Variants in WLS observed in about 807,000 individuals in gnomAD.
WLS encodes the protein Wnt ligand secretion mediator.
WLS carries 23 observed loss-of-function variants against 62.8 expected under a neutral mutation model. That is an observed-to-expected ratio of 0.37 (90% CI 0.26 to 0.52). The LOEUF (loss-of-function observed/expected upper bound fraction) is 0.52. Among genes scored for constraint, WLS ranks in the 20% least tolerant of loss-of-function variants. WLS has a pLI of 0.92. For synonymous variants in WLS, 246 were observed against 244.1 expected (o/e 1.01, Z -0.07); for missense variants, 615 against 697.3 (o/e 0.88, Z 1.33).
chr1:68,124,745 G>A (rs1434879866), downstream of WLS, among the ~76,000 whole-genome samples: 4 of 152,102 alleles, frequency 2.6e-5, no homozygotes, highest in Non-Finnish European at 5.9e-5. Context: ...TGCTTACCAC[G>A]CTTTAAGCCA....
At chr1:68,190,282 T>C (rs1289821010) in intron 2 of WLS, among the ~76,000 whole-genome samples, 3 of 152,206 alleles carry the variant, frequency 2.0e-5, no homozygotes, top group Non-Finnish European at 2.9e-5. Flanking sequence ...AGGGATCACA[T>C]TTCAAATGAA....
At chr1:68,230,084 G>A (rs1650340526) in intron 1 of WLS, among the ~76,000 whole-genome samples, 1 of 152,090 alleles carries the variant, frequency 6.6e-6, no homozygotes, top group Non-Finnish European at 1.5e-5. Flanking sequence ...CCACTCACGA[G>A]TGCCCTTAGG....
rs755815093 is a variant in WLS, at chr1:68,145,895, T to C, written c.1252A>G (p.Ser418Gly). Residue 418 changes from serine to glycine, a missense_variant, in exon 9 of 12, where the codon AGC becomes GGC. By Grantham distance (56) the Ser-to-Gly change is moderately conservative. Transcript: ENST00000262348. ...SGKQSSLPAM[S>G]KVRRLHYEGL... ...TCATAGTGTAGCCGCCGGACTTTGC[T>C]CATAGCTGGCAGGCTGGACTGCTTC... The C allele has an allele frequency of 6.2e-7, 1 of 1,614,150 alleles. No homozygotes were observed. Among genetic ancestry groups the C allele is most frequent in the South Asian group, 1.1e-5 (1 of 91,082 alleles).
chr1:68,211,275 C>G (rs1458959043), intron 1 of WLS, among the ~76,000 whole-genome samples: 3 of 146,580 alleles, frequency 2.0e-5, no homozygotes, highest in Non-Finnish European at 3.0e-5. Flanking sequence ...AAAACTGTTA[C>G]AAAGTCAACC....
chr1:68,194,960 C>T (rs565420367), intron 1 of WLS, among the ~76,000 whole-genome samples: 1 of 152,198 alleles, frequency 6.6e-6, no homozygotes, highest in Admixed American at 6.5e-5. Context: ...ATATTAATAA[C>T]TTGGAAAATA....
intron 2 of WLS, among the ~76,000 whole-genome samples, chr1:68,188,184 A>G (rs1181203168): frequency 1.3e-5 from 2 of 152,228 alleles, no homozygotes; most frequent in African/African-American, 4.8e-5. Context: ...CTACTCCTAT[A>G]GTCAATTCTT....
At chr1:68,202,043 T>C (rs535478319) in intron 1 of WLS, 2 of 152,340 alleles carry the variant, frequency 1.3e-5, no homozygotes, top group African/African-American at 4.8e-5. Context: ...CTTTGAAGAA[T>C]AGAAGAATTA....
At chr1:68,102,649 G>A (rs1421933216) in intron 11 of WLS, 1 of 152,198 alleles carries the variant, frequency 6.6e-6, no homozygotes, top group Non-Finnish European at 1.5e-5. Context: ...TTCTCAATTG[G>A]TTCAGAATCA....
intron 2 of WLS, among the ~76,000 whole-genome samples, chr1:68,176,766 T>C (rs1647276229): frequency 6.6e-6 from 1 of 152,248 alleles, no homozygotes; most frequent in African/African-American, 2.4e-5. Flanking sequence ...GAAATCACTT[T>C]GAAGAAGTCA....
At chr1:68,150,765 T>A (rs1487318340) in intron 5 of WLS, among the ~76,000 whole-genome samples, 1 of 152,224 alleles carries the variant, frequency 6.6e-6, no homozygotes, top group Non-Finnish European at 1.5e-5. Context: ...AACTATGAAT[T>A]ATATAAGCAT....
intron 11 of WLS, among the ~76,000 whole-genome samples, chr1:68,126,783 A>G (rs1181119566): frequency 1.3e-5 from 2 of 152,156 alleles, no homozygotes; most frequent in African/African-American, 2.4e-5. Context: ...CAGGCCCACA[A>G]GAGAGCTGGC....
At chr1:68,232,032 C>T (rs1371884963) in intron 1 of WLS, among the ~76,000 whole-genome samples, 162 bp downstream of exon 1, 2 of 151,990 alleles carry the variant, frequency 1.3e-5, no homozygotes, top group Non-Finnish European at 2.9e-5. Flanking sequence ...TGGATTGTGC[C>T]CCACGGAGCC....
At chr1:68,140,068 T>C (rs1197182499) in intron 10 of WLS, among the ~76,000 whole-genome samples, 1 of 152,252 alleles carries the variant, frequency 6.6e-6, no homozygotes, top group Non-Finnish European at 1.5e-5. Flanking sequence ...TCAATGCTAA[T>C]GATGTGCCAG....
chr1:68,155,005 A>G (rs1186751770), intron 4 of WLS, 94 bp downstream of exon 4: 3 of 1,323,816 alleles, frequency 2.3e-6, no homozygotes, highest in Admixed American at 2.3e-5. Flanking sequence ...TATTATTCCC[A>G]TTTCTCAGAT....
At chr1:68,144,468 G>A in intron 10 of WLS, 101 bp downstream of exon 10, 1 of 1,146,582 alleles carries the variant, frequency 8.7e-7, no homozygotes, top group South Asian at 1.6e-5. Flanking sequence ...CAGAATTATG[G>A]CCTCTCTCCT....
At chr1:68,231,109 G>A (rs1650394488) in intron 1 of WLS, among the ~76,000 whole-genome samples, 1 of 152,238 alleles carries the variant, frequency 6.6e-6, no homozygotes, top group Admixed American at 6.5e-5. Flanking sequence ...AGTTTGTGCC[G>A]GGATGTCCCA....
chr1:68,163,216 A>T (rs1647009741), intron 2 of WLS: 2 of 629,640 alleles, frequency 3.2e-6, no homozygotes, highest in Non-Finnish European at 5.6e-6. Flanking sequence ...ACACACTATA[A>T]ATCTGTACAC....
chr1:68,103,000 G>C (rs1468878880), intron 11 of WLS, among the ~76,000 whole-genome samples: 1 of 151,786 alleles, frequency 6.6e-6, no homozygotes, highest in Non-Finnish European at 1.5e-5. Flanking sequence ...TTTTTGCCGG[G>C]GGCACTGTCA....
intron 2 of WLS, chr1:68,163,144 A>G (rs1294002039): frequency 9.1e-5 from 106 of 1,168,410 alleles, no homozygotes; most frequent in Non-Finnish European, 1.3e-4. Context: ...TCCTCTAAGA[A>G]CTTAGGGGAA....
Sources: gnomAD v4.1 joint callset for allele counts (sites outside exome capture counted in the v4.1 genomes callset) on GRCh38, gnomAD v4.1.1 for gene constraint, MANE v1.5 for transcripts, NCBI Gene and HGNC (gene_info 2026-07-23, HGNC 2026-07-21) for gene names.